GCNT2: variants seen among roughly 807,000 people sequenced by gnomAD.
GCNT2 encodes N-acetyllactosaminide beta-1,6-N-acetylglucosaminyl-transferase.
In GCNT2, 34 loss-of-function variants were observed where a neutral mutation model predicts 34.2. That is an observed-to-expected ratio of 1.00 (90% confidence interval 0.76 to 1.32). The LOEUF (loss-of-function observed/expected upper bound fraction) is 1.32. Ranked by LOEUF, GCNT2 falls within the 40% of genes most tolerant of loss-of-function variation. The probability of loss-of-function intolerance (pLI) is 0.00; values close to 1 mark genes in which losing one functional copy is unlikely to be tolerated. For synonymous variants in GCNT2, 212 were observed against 188.0 expected, an observed-to-expected ratio of 1.13 and a Z score of -1.04; for missense variants, 584 against 489.4, an observed-to-expected ratio of 1.19 and a Z score of -1.82.
chr6:10,582,100 CTT>C (rs1343451139), intron 3 of GCNT2, among the ~76,000 whole-genome samples: 4 of 139,690 alleles, frequency 2.9e-5, no homozygotes, highest in East Asian at 2.0e-4. Flanking sequence ...AAATATATCT[CTT>C]AAAGTACATA....
chr6:10,556,767 T>C lies in GCNT2; in HGVS notation c.925+26931T>C, dbSNP rs993886125. 14 of 1,613,974 alleles carry C rather than the reference T, an allele frequency of 8.7e-6. No individual in the cohort carries two copies. The highest frequency in any genetic ancestry group is 1.6e-4 in the Middle Eastern group (1 of 6,084). Reference sequence around the variant, plus strand: ...ACCTTTGCAAGGCTCTTCAGGGCTATTTACATGCCCCAAAATATCTACTGT... The same window carrying C: ...ACCTTTGCAAGGCTCTTCAGGGCTACTTACATGCCCCAAAATATCTACTGT... On this transcript the variant is annotated intron_variant, in intron 3 of 4. Transcript: ENST00000495262.
chr6:10,617,742 C>CTTTTTTTT (rs1765845754), intron 3 of GCNT2, among the ~76,000 whole-genome samples: 2 of 122,476 alleles, frequency 1.6e-5, no homozygotes, highest in Non-Finnish European at 3.1e-5. Context: ...CCAGAGTCTG[C>CTTTTTTTT]ATTTCTTCTT....
chr6:10,577,352 C>T (rs922751414), intron 3 of GCNT2, among the ~76,000 whole-genome samples: 1 of 152,168 alleles, frequency 6.6e-6, no homozygotes, highest in Non-Finnish European at 1.5e-5. Flanking sequence ...CATTCCCTAC[C>T]TTCGGGAGCT....
At chr6:10,522,361 T>A (rs1292550173) in intron 1 of GCNT2, among the ~76,000 whole-genome samples, 1 of 152,230 alleles carries the variant, frequency 6.6e-6, no homozygotes, top group Non-Finnish European at 1.5e-5. Context: ...ACAGGTCTAC[T>A]AAGTAAATTC....
intron 3 of GCNT2, among the ~76,000 whole-genome samples, chr6:10,550,468 C>T (rs1364512994): frequency 6.6e-6 from 1 of 151,978 alleles, no homozygotes; most frequent in Non-Finnish European, 1.5e-5. Flanking sequence ...GTGGTTTCAG[C>T]TTTATCTGGG....
chr6:10,616,515 A>G (rs868000876), intron 3 of GCNT2, among the ~76,000 whole-genome samples: 6 of 152,058 alleles, frequency 3.9e-5, no homozygotes, highest in Middle Eastern at 6.8e-3. Context: ...GCTAGACACA[A>G]AAGTTCTCCA....
chr6:10,596,647 G>A (rs558374796), intron 3 of GCNT2, among the ~76,000 whole-genome samples: 264 of 151,896 alleles, frequency 1.7e-3, no homozygotes, highest in African/African-American at 5.9e-3. Context: ...TGGTTAGTGG[G>A]GTACACTGTT....
intron 3 of GCNT2, among the ~76,000 whole-genome samples, chr6:10,546,615 C>T (rs1007289020): frequency 1.1e-4 from 16 of 152,050 alleles, no homozygotes; most frequent in African/African-American, 2.2e-4. Context: ...GCCAAGATCT[C>T]GCCATTGTAC....
intron 3 of GCNT2, among the ~76,000 whole-genome samples, chr6:10,617,835 A>T (rs543113458): frequency 6.9e-6 from 1 of 144,996 alleles, no homozygotes; most frequent in South Asian, 2.2e-4. Context: ...GCTCACTGCA[A>T]CCTCCACCTC....
chr6:10,523,374 C>A (rs1263004599), intron 1 of GCNT2, among the ~76,000 whole-genome samples: 3 of 148,090 alleles, frequency 2.0e-5, no homozygotes, highest in Admixed American at 6.8e-5. Flanking sequence ...TTCAGTGAGC[C>A]GGGATGGCGT....
At chr6:10,540,738 C>T (rs1014723571) in intron 3 of GCNT2, among the ~76,000 whole-genome samples, 5 of 152,202 alleles carry the variant, frequency 3.3e-5, no homozygotes, top group Non-Finnish European at 7.3e-5. Context: ...TCCCCTTCAG[C>T]ATTACAGGAA....
chr6:10,585,845 G>A lies in GCNT2; in HGVS notation c.926-35506G>A, dbSNP rs1196783858. 3.3e-6 allele frequency: 5 copies of A among 1,497,792 alleles called. No homozygotes were observed. The Admixed American group carries it at 9.2e-5, about 27-fold the overall frequency. The allele number at this position is 1,497,792 out of a possible 1,614,324, so 92.8% of individuals were successfully genotyped here. A position where few individuals can be genotyped will look rare whatever the true frequency, so the allele number is the denominator to read the frequency against. On this transcript the variant is annotated intron_variant, in intron 3 of 4. Transcript: ENST00000495262. ...AGACACCGAAGCAGAGGATACAGGAGGATTAAAGGATTCAGGAAAGCAAGC... is the reference window on the plus strand; with the variant it reads ...AGACACCGAAGCAGAGGATACAGGAAGATTAAAGGATTCAGGAAAGCAAGC...
chr6:10,621,326 C>A, intron 3 of GCNT2, 25 bp from the exon 4 acceptor site: 3 of 1,466,618 alleles, frequency 2.0e-6, no homozygotes, highest in Non-Finnish European at 2.9e-6. Context: ...CTCATCTCTA[C>A]GCTTCTTCTT....
intron 3 of GCNT2, among the ~76,000 whole-genome samples, chr6:10,612,716 G>T (rs1012115070): frequency 6.6e-6 from 1 of 152,188 alleles, no homozygotes; most frequent in Non-Finnish European, 1.5e-5. Context: ...AGTACACCAT[G>T]TCTTAAAGAG....
intron 3 of GCNT2, among the ~76,000 whole-genome samples, chr6:10,548,242 TTAAAAA>T (rs1392803716): frequency 6.6e-6 from 1 of 152,028 alleles, no homozygotes. Context: ...TCTAAAAAAG[TTAAAAA>T]TAAATAAATG....
chr6:10,532,128 T>C (rs1316770604), intron 3 of GCNT2, among the ~76,000 whole-genome samples: 1 of 151,920 alleles, frequency 6.6e-6, no homozygotes, highest in Non-Finnish European at 1.5e-5. Flanking sequence ...GCTGGGGAAG[T>C]GCTGCTGAGG....
intron 3 of GCNT2, among the ~76,000 whole-genome samples, chr6:10,540,093 A>AAAGG (rs149369545): frequency 2.0e-5 from 3 of 151,298 alleles, no homozygotes; most frequent in Non-Finnish European, 4.4e-5. Context: ...AAAAGGAAGG[A>AAAGG]AAGGAAGGAA....
intron 4 of GCNT2, among the ~76,000 whole-genome samples, chr6:10,624,615 C>A (rs1432285695): frequency 6.6e-6 from 1 of 152,208 alleles, no homozygotes; most frequent in Non-Finnish European, 1.5e-5. Context: ...CCTTTCTATT[C>A]TCAAAAGCGA....
intron 3 of GCNT2, among the ~76,000 whole-genome samples, chr6:10,537,602 G>C (rs1761821176): frequency 6.8e-6 from 1 of 146,780 alleles, no homozygotes; most frequent in South Asian, 2.2e-4. Flanking sequence ...TTGGGAGGCT[G>C]AAGCAGGGGA....
Sources: gnomAD v4.1 joint callset for allele counts (sites outside exome capture counted in the v4.1 genomes callset) on GRCh38, gnomAD v4.1.1 for gene constraint, MANE v1.5 for transcripts, NCBI Gene and HGNC (gene_info 2026-07-23, HGNC 2026-07-21) for gene names.